The following ZFYVE9 variants were observed in gnomAD, a reference collection of about 807,000 sequenced individuals.
ZFYVE9 encodes zinc finger FYVE domain-containing protein 9.
Under a neutral mutation model 126.7 loss-of-function variants are expected in ZFYVE9, and 43 were observed. The observed-to-expected ratio is 0.34, with a 90% CI of 0.27 to 0.44. The LOEUF is 0.44. Among genes scored for constraint, ZFYVE9 ranks in the 20% least tolerant of loss-of-function variants. The probability of loss-of-function intolerance (pLI) is 1.00; values close to 1 mark genes in which losing one functional copy is unlikely to be tolerated. For synonymous variants in ZFYVE9, 521 were observed against 597.4 expected, an observed-to-expected ratio of 0.87 and a Z score of 1.87; for missense variants, 1,476 against 1,697.0, an observed-to-expected ratio of 0.87 and a Z score of 2.29.
In ZFYVE9 at chr1:52,244,065, G is replaced by A. The variant is rs139391841; in HGVS notation, c.2178+4470G>A. Among the ~76,000 whole-genome samples, 480 of 152,314 alleles carry A rather than the reference G, an allele frequency of 3.2e-3. 2 individuals carry two copies. Among genetic ancestry groups the A allele is most frequent in the African/African-American group, 0.011 (470 of 41,566 alleles). On this transcript the variant is annotated intron_variant, in intron 4 of 18. Coordinates refer to ENST00000287727, the MANE Select transcript of ZFYVE9 (RefSeq NM_004799.4). Reference sequence around the variant, plus strand: ...CTGTCAGTAAGATATGGACAGGAAAGGGACCATTGGACTTGGCTATAACAG... The same window carrying A: ...CTGTCAGTAAGATATGGACAGGAAAAGGACCATTGGACTTGGCTATAACAG...
chr1:52,160,175 G>C lies in ZFYVE9; in HGVS notation c.-143+17772G>C. The C allele has an allele frequency of 4.6e-6, 3 of 653,268 alleles. No homozygotes were observed. The South Asian group carries it at 5.6e-5, about 12-fold the overall frequency. 40.5% of individuals were successfully genotyped at this position (653,268 alleles called of 1,614,324 possible). A position where few individuals can be genotyped will look rare whatever the true frequency, so the allele number is the denominator to read the frequency against. Reference sequence around the variant, plus strand: ...TGGAGTAGCTGTGAAGCTCTACGAGGCTGTGAGGTTGGAGGCGCTTCTCCC... The same window carrying C: ...TGGAGTAGCTGTGAAGCTCTACGAGCCTGTGAGGTTGGAGGCGCTTCTCCC... On this transcript the variant is annotated intron_variant, in intron 1 of 18. Transcript: ENST00000287727.
intron 1 of ZFYVE9, among the ~76,000 whole-genome samples, chr1:52,182,224 C>T (rs998031478): frequency 6.6e-6 from 1 of 152,142 alleles, no homozygotes; most frequent in African/African-American, 2.4e-5. Context: ...CCCCTCTGCC[C>T]GGCCACCACC....
chr1:52,161,313 A>G (rs190230185), intron 1 of ZFYVE9, among the ~76,000 whole-genome samples: 96 of 152,270 alleles, frequency 6.3e-4, no homozygotes, highest in African/African-American at 2.1e-3. Context: ...TTTTGGAGAC[A>G]GAGTCTTGCT....
At chr1:52,331,450 TA>T (rs527807876) in intron 13 of ZFYVE9, among the ~76,000 whole-genome samples, 7,076 of 136,120 alleles carry the variant, frequency 0.052, 307 homozygotes, top group African/African-American at 0.12. Context: ...CCCTGTCTCT[TA>T]AAAAAAAAAA....
At chr1:52,245,822 T>C (rs1255963897) in intron 4 of ZFYVE9, among the ~76,000 whole-genome samples, 2 of 152,234 alleles carry the variant, frequency 1.3e-5, no homozygotes, top group Non-Finnish European at 2.9e-5. Context: ...TCATGCTCTT[T>C]CCCATAAATA....
chr1:52,158,356 G>A (rs1644422182), intron 1 of ZFYVE9, among the ~76,000 whole-genome samples: 1 of 152,178 alleles, frequency 6.6e-6, no homozygotes, highest in Admixed American at 6.5e-5. Context: ...TATTATCATG[G>A]CATCTAGGAA....
intron 1 of ZFYVE9, among the ~76,000 whole-genome samples, chr1:52,149,252 C>T (rs1644332591): frequency 6.6e-6 from 1 of 151,720 alleles, no homozygotes; most frequent in Non-Finnish European, 1.5e-5. Context: ...GTAGTATTTC[C>T]TAACTGGTTT....
chr1:52,155,990 C>A (rs1181286007), intron 1 of ZFYVE9, among the ~76,000 whole-genome samples: 1 of 152,184 alleles, frequency 6.6e-6, no homozygotes, highest in Admixed American at 6.5e-5. Context: ...CCACCAAGTT[C>A]TTCAGTATGC....
chr1:52,258,204 T>G (rs1184445770), intron 4 of ZFYVE9, among the ~76,000 whole-genome samples: 1 of 152,194 alleles, frequency 6.6e-6, no homozygotes, highest in Non-Finnish European at 1.5e-5. Context: ...GTTCAATCAG[T>G]GCAGTAGATT....
At chr1:52,226,631 C>A (rs1218568225) in intron 2 of ZFYVE9, among the ~76,000 whole-genome samples, 2 of 152,222 alleles carry the variant, frequency 1.3e-5, no homozygotes, top group African/African-American at 4.8e-5. Context: ...TAAGTGATTT[C>A]TTCTTAACTC....
At position 52,160,204 on chromosome 1, in the gene ZFYVE9, C is replaced by G. The variant is rs1644443124; in HGVS notation, c.-143+17801C>G. 25 of 709,734 alleles carry G rather than the reference C, an allele frequency of 3.5e-5. No individual in the cohort carries two copies. The South Asian group carries it at 3.9e-4, about 11-fold the overall frequency. The allele number at this position is 709,734 out of a possible 1,614,324, so 44.0% of individuals were successfully genotyped here. The stretch of plus-strand genomic sequence containing the variant: ...TGAGGTTGGAGGCGCTTCTCCCTGC[C>G]TGTTAAGCTGCTCCCATCGCATCAC... On this transcript the variant is annotated intron_variant, in intron 1 of 18. Transcript: ENST00000287727.
intron 2 of ZFYVE9, among the ~76,000 whole-genome samples, chr1:52,231,591 A>T (rs1346523774): frequency 6.6e-6 from 1 of 152,154 alleles, no homozygotes; most frequent in African/African-American, 2.4e-5. Context: ...GAGCCAATCT[A>T]TAAATGTTAA....
At chr1:52,302,982 C>T (rs1646049885) in intron 12 of ZFYVE9, among the ~76,000 whole-genome samples, 2 of 151,032 alleles carry the variant, frequency 1.3e-5, no homozygotes, top group Non-Finnish European at 3.0e-5. Flanking sequence ...TGGTGACGCA[C>T]ATATGTAATC....
chr1:52,314,276 G>A (rs1032699480), intron 13 of ZFYVE9, among the ~76,000 whole-genome samples: 1 of 152,156 alleles, frequency 6.6e-6, no homozygotes, highest in Non-Finnish European at 1.5e-5. Flanking sequence ...AAAAGTGACA[G>A]CATATTTCTC....
At position 52,263,767 on chromosome 1, in the gene ZFYVE9, C is replaced by CCCA. The variant is rs1553130231; in HGVS notation, c.2179-5_2179-4insCAC. On this transcript the variant is annotated splice_polypyrimidine_tract_variant and splice_region_variant and intron_variant, in intron 4 of 18. Coordinates refer to ENST00000287727, the MANE Select transcript of ZFYVE9 (RefSeq NM_004799.4). ...TTGTGTGTTCTTCCCCCCCCCCCCC[C>CCCA]CACAGGTTTTCTGTGCTTCCTGCTG... 60 of 1,230,870 alleles carry CCCA rather than the reference C, an allele frequency of 4.9e-5. No individual in the cohort carries two copies. In the African/African-American group the frequency reaches 1.0e-3, roughly 20 times the overall value. The allele number at this position is 1,230,870 out of a possible 1,614,324, so 76.2% of individuals were successfully genotyped here.
chr1:52,222,083 A>T (rs1645129147), intron 2 of ZFYVE9, among the ~76,000 whole-genome samples: 1 of 152,170 alleles, frequency 6.6e-6, no homozygotes, highest in African/African-American at 2.4e-5. Context: ...AGGTTCTACG[A>T]ATTGGAGTTT....
At chr1:52,298,805 TG>T (rs1241257075) in intron 12 of ZFYVE9, among the ~76,000 whole-genome samples, 2 of 136,952 alleles carry the variant, frequency 1.5e-5, no homozygotes, top group Admixed American at 7.3e-5. Context: ...CCTTTGTCAA[TG>T]TTTTTTTTTT....
At chr1:52,203,529 G>A (rs1644945257) in intron 1 of ZFYVE9, among the ~76,000 whole-genome samples, 1 of 128,138 alleles carries the variant, frequency 7.8e-6, no homozygotes, top group South Asian at 2.7e-4. Flanking sequence ...TCTATAGTTT[G>A]AATATAACTA....
chr1:52,158,416 A>G (rs1264632087), intron 1 of ZFYVE9, among the ~76,000 whole-genome samples: 1 of 152,222 alleles, frequency 6.6e-6, no homozygotes, highest in African/African-American at 2.4e-5. Context: ...CTTGCAGGTG[A>G]CAGACCTCTG....
Sources: gnomAD v4.1 joint callset for allele counts (sites outside exome capture counted in the v4.1 genomes callset) on GRCh38, gnomAD v4.1.1 for gene constraint, MANE v1.5 for transcripts, NCBI Gene and HGNC (gene_info 2026-07-23, HGNC 2026-07-21) for gene names.